Variants in QTMAN observed in about 807,000 individuals in gnomAD.
QTMAN encodes queuosine-tRNA mannosyltransferase.
At chr2:144,203,892 G>A in the QTMAN span, among the ~76,000 whole-genome samples, 6 of 152,044 alleles carry the variant, frequency 3.9e-5, no homozygotes, top group African/African-American at 1.4e-4. Context: ...ACAAGAAATG[G>A]GGAAAGGATT....
chr2:144,139,665 G>T, the QTMAN span, among the ~76,000 whole-genome samples: 1 of 152,080 alleles, frequency 6.6e-6, no homozygotes, highest in African/African-American at 2.4e-5. Flanking sequence ...CATTGCGAGT[G>T]AGGCAGGAGA....
the QTMAN span, among the ~76,000 whole-genome samples, chr2:144,228,342 C>A: frequency 6.6e-6 from 1 of 152,136 alleles, no homozygotes; most frequent in East Asian, 1.9e-4. Context: ...TTTGAATGTA[C>A]ACTTTTACAA....
At chr2:144,260,868 A>G in the QTMAN span, among the ~76,000 whole-genome samples, 11 of 152,052 alleles carry the variant, frequency 7.2e-5, no homozygotes, top group Non-Finnish European at 1.3e-4. Context: ...TTTGTAATAC[A>G]GTAGATATAA....
chr2:144,141,973 T>C, the QTMAN span: 1 of 1,610,576 alleles, frequency 6.2e-7, no homozygotes, highest in African/African-American at 1.3e-5. Flanking sequence ...TGATCAGGAA[T>C]CAGCTTCATA....
At chr2:144,269,827 T>TAA in the QTMAN span, among the ~76,000 whole-genome samples, 7 of 143,696 alleles carry the variant, frequency 4.9e-5, no homozygotes, top group African/African-American at 7.6e-5. Context: ...CCTCATTTAG[T>TAA]AAAAAAAAAA....
At chr2:143,948,939 T>C in the QTMAN span, among the ~76,000 whole-genome samples, 2 of 152,122 alleles carry the variant, frequency 1.3e-5, no homozygotes, top group African/African-American at 4.8e-5. Context: ...AAAAAGTACA[T>C]GTCTCGACAA....
chr2:144,126,448 C>G, the QTMAN span, among the ~76,000 whole-genome samples: 15 of 151,920 alleles, frequency 9.9e-5, no homozygotes, highest in Non-Finnish European at 1.8e-4. Flanking sequence ...CTATATTTTA[C>G]CAACCTGGTT....
the QTMAN span, among the ~76,000 whole-genome samples, chr2:144,140,172 T>C: frequency 6.6e-6 from 1 of 152,108 alleles, no homozygotes. Context: ...ACCTTGCTTA[T>C]GAATGTTATC....
the QTMAN span, among the ~76,000 whole-genome samples, chr2:144,035,323 TA>T: frequency 6.6e-6 from 1 of 152,174 alleles, no homozygotes; most frequent in Non-Finnish European, 1.5e-5. Context: ...CTTTTCTTTA[TA>T]AACTACCCAG....
the QTMAN span, among the ~76,000 whole-genome samples, chr2:144,093,009 G>A: frequency 1.3e-5 from 2 of 151,710 alleles, no homozygotes; most frequent in African/African-American, 4.8e-5. Context: ...AAAATTATTT[G>A]GGACAGCAAG....
chr2:144,109,316 T>C, the QTMAN span, among the ~76,000 whole-genome samples: 1 of 152,180 alleles, frequency 6.6e-6, no homozygotes, highest in African/African-American at 2.4e-5. Flanking sequence ...ATTTAATAAA[T>C]GGTGCTGGGA....
At chr2:144,074,741 G>A in the QTMAN span, among the ~76,000 whole-genome samples, 1 of 152,152 alleles carries the variant, frequency 6.6e-6, no homozygotes, top group African/African-American at 2.4e-5. Context: ...CCAACCACCA[G>A]GCTGGAGATC....
the QTMAN span, among the ~76,000 whole-genome samples, chr2:144,105,369 G>A: frequency 1.4e-4 from 22 of 152,268 alleles, no homozygotes; most frequent in South Asian, 6.2e-4. Flanking sequence ...AAGATTAGAC[G>A]AATGGCTAAC....
At chr2:144,133,146 T>TA in the QTMAN span, among the ~76,000 whole-genome samples, 2 of 53,252 alleles carry the variant, frequency 3.8e-5, no homozygotes, top group Non-Finnish European at 6.1e-5. Context: ...TATATATATA[T>TA]ATATAATATA....
chr2:143,939,571 T>C, the QTMAN span: 2 of 152,218 alleles, frequency 1.3e-5, no homozygotes, highest in Non-Finnish European at 2.9e-5. Context: ...TGAAACCCTG[T>C]TTATTACAGT....
the QTMAN span, among the ~76,000 whole-genome samples, chr2:143,955,921 T>C: frequency 1.3e-5 from 2 of 152,220 alleles, no homozygotes; most frequent in Non-Finnish European, 2.9e-5. Context: ...CATTAAGGAT[T>C]GCAAAACACT....
At chr2:144,212,117 T>C in the QTMAN span, among the ~76,000 whole-genome samples, 1 of 152,190 alleles carries the variant, frequency 6.6e-6, no homozygotes, top group African/African-American at 2.4e-5. Flanking sequence ...TAAAGCATTA[T>C]CACAAGTACT....
the QTMAN span, among the ~76,000 whole-genome samples, chr2:144,227,462 C>T: frequency 6.6e-6 from 1 of 152,084 alleles, no homozygotes; most frequent in Non-Finnish European, 1.5e-5. Flanking sequence ...CACAAACCCT[C>T]ACAAATTAAA....
At chr2:144,310,103 A>G in the QTMAN span, among the ~76,000 whole-genome samples, 1 of 152,212 alleles carries the variant, frequency 6.6e-6, no homozygotes, top group Admixed American at 6.5e-5. Flanking sequence ...AGGGAGAGGG[A>G]CATTTTAAAT....
Sources: gnomAD v4.1 joint callset for allele counts (sites outside exome capture counted in the v4.1 genomes callset) on GRCh38, gnomAD v4.1.1 for gene constraint, MANE v1.5 for transcripts, NCBI Gene and HGNC (gene_info 2026-07-23, HGNC 2026-07-21) for gene names.